Variants in GOLGA7B observed in about 807,000 individuals in gnomAD.
GOLGA7B encodes the protein golgin A7 family member B, also known as golgin subfamily A member 7B.
Under a neutral mutation model 21.5 loss-of-function variants are expected in GOLGA7B, and 17 were observed. That is an observed-to-expected ratio of 0.79 (90% CI 0.54 to 1.19). The LOEUF is 1.19. Ranked by LOEUF, GOLGA7B falls within the 50% of genes most tolerant of loss-of-function variation. The pLI, the probability that GOLGA7B is intolerant of heterozygous loss-of-function variation, is 0.00. For synonymous variants in GOLGA7B, 87 were observed against 84.0 expected (o/e 1.04, Z -0.19); for missense variants, 169 against 224.4 (o/e 0.75, Z 1.58).
chr10:97,862,305 A>G (rs1397004865), intron 2 of GOLGA7B, among the ~76,000 whole-genome samples: 2 of 152,214 alleles, frequency 1.3e-5, no homozygotes, highest in Non-Finnish European at 2.9e-5. Flanking sequence ...CCCTTGCACA[A>G]CACAGGGTTA....
At chr10:97,864,501 G>C (rs1189618111) in intron 4 of GOLGA7B, among the ~76,000 whole-genome samples, 4 of 152,184 alleles carry the variant, frequency 2.6e-5, no homozygotes, top group Non-Finnish European at 5.9e-5. Context: ...GAATATGCCA[G>C]CTATCATGTG....
At position 97,857,562 on chromosome 10, in the gene GOLGA7B, A is replaced by ATT. The variant is rs148514944; in HGVS notation, c.13-1894_13-1893dup. ...CCATGCGGCCCAAAGCAATCTACAG[A>ATT]TTTAACACAATCCCTATCAAATTAG... On this transcript the variant is annotated intron_variant, in intron 1 of 4. Transcript: ENST00000370602. Among the ~76,000 whole-genome samples the ATT allele has an allele frequency of 5.5e-3, 840 of 152,318 alleles. 8 individuals carry two copies. The highest frequency in any genetic ancestry group is 0.019 in the African/African-American group (799 of 41,574).
Position 97,865,584 on chromosome 10 carries a change from C to T in GOLGA7B, c.394-6C>T, listed in dbSNP as rs562926604. 6.2e-7 allele frequency: 1 copy of T among 1,613,148 alleles called. No individual in the cohort carries two copies. The highest frequency in any genetic ancestry group is 8.5e-7 in the Non-Finnish European group (1 of 1,179,226). ...GCTCGCAGCTCTCCTTAACCACCGA[C>T]CCCAGATTGAGATCTCCATCTACGA... On this transcript the variant is annotated splice_polypyrimidine_tract_variant and splice_region_variant and intron_variant, in intron 4 of 4. Transcript: ENST00000370602.
chr10:97,863,786 T>C lies in GOLGA7B; in HGVS notation c.139-144T>C. The C allele has an allele frequency of 3.4e-6, 3 of 876,808 alleles. No homozygotes were observed. The South Asian group carries it at 5.5e-5, about 16-fold the overall frequency. 54.3% of individuals were successfully genotyped at this position (876,808 alleles called of 1,614,324 possible). A position where few individuals can be genotyped will look rare whatever the true frequency, so the allele number is the denominator to read the frequency against. On this transcript the variant is annotated intron_variant, in intron 2 of 4. Transcript: ENST00000370602. ...TCCCAGGCCAGTGCTCTTTCGGCTCTGCCTGCAGCCTCTTTGGTCTTGCCT... is the reference window on the plus strand; with the variant it reads ...TCCCAGGCCAGTGCTCTTTCGGCTCCGCCTGCAGCCTCTTTGGTCTTGCCT...
intron 2 of GOLGA7B, among the ~76,000 whole-genome samples, chr10:97,863,395 G>T (rs528560867): frequency 3.3e-5 from 5 of 152,298 alleles, no homozygotes; most frequent in African/African-American, 1.2e-4. Context: ...CAGGGTGGTG[G>T]TGTTGTGGGT....
rs1564865623 is a variant in GOLGA7B at position 97,859,555 on chromosome 10, C to A, written c.110C>A (p.Thr37Asn). The part of the protein sequence containing the change: ...YSDGTICQFQ[T>N]KFPPELDSRI... Reference sequence around the variant, plus strand: ...GATGGGACCATCTGTCAGTTCCAGACCAAATTCCCCCCAGAGCTGGACAGC... The same window carrying A: ...GATGGGACCATCTGTCAGTTCCAGAACAAATTCCCCCCAGAGCTGGACAGC... Residue 37 changes from threonine to asparagine, a missense_variant, in exon 2 of 5, where the codon ACC becomes AAC. Coordinates refer to ENST00000370602, the MANE Select transcript of GOLGA7B (RefSeq NM_001010917.3). 1.9e-6 allele frequency: 3 copies of A among 1,614,142 alleles called. No individual in the cohort carries two copies. Among genetic ancestry groups the A allele is most frequent in the South Asian group, 2.2e-5 (2 of 91,078 alleles).
Position 97,865,911 on chromosome 10 carries a change from C to A in GOLGA7B, c.*211C>A. 1.3e-6 allele frequency: 1 copy of A among 773,134 alleles called. No individual in the cohort carries two copies. The highest frequency in any genetic ancestry group is 1.9e-6 in the Non-Finnish European group (1 of 519,982). The allele number at this position is 773,134 out of a possible 1,614,324, so 47.9% of individuals were successfully genotyped here. On this transcript the variant is annotated 3_prime_UTR_variant, in exon 5 of 5. Transcript: ENST00000370602. Reference sequence around the variant, plus strand: ...ACCCCCGTCTGGATCAGTCCATTTCCTGACCTGGGGGCTTTTCCTTCCCGA... The same window carrying A: ...ACCCCCGTCTGGATCAGTCCATTTCATGACCTGGGGGCTTTTCCTTCCCGA...
intron 4 of GOLGA7B, chr10:97,865,243 C>G (rs1352141490): frequency 3.4e-6 from 1 of 294,984 alleles, no homozygotes; most frequent in East Asian, 5.7e-5. Context: ...CTAAAGTCCT[C>G]ATACTTCCTG....
In GOLGA7B at chr10:97,864,087, C is replaced by G; in HGVS notation, c.291+5C>G. ...ATGGAGACCCACTATGAGAAGGTGG[C>G]CCCTCCCGCCCCACCGTGCATCCCT... On this transcript the variant is annotated splice_donor_5th_base_variant and intron_variant, in intron 3 of 4. Coordinates refer to ENST00000370602, the MANE Select transcript of GOLGA7B (RefSeq NM_001010917.3). 1 of 1,613,706 alleles carries G rather than the reference C, an allele frequency of 6.2e-7. No individual in the cohort carries two copies. Among genetic ancestry groups the G allele is most frequent in the Non-Finnish European group, 8.5e-7 (1 of 1,179,670 alleles).
rs1320974240 is a variant in GOLGA7B, at chr10:97,868,896, G to A, written c.*3196G>A. 6.6e-6 allele frequency: 1 copy of A among 150,750 alleles called. No individual in the cohort carries two copies. Among genetic ancestry groups the A allele is most frequent in the Non-Finnish European group, 1.5e-5 (1 of 67,994 alleles). 9.3% of individuals were successfully genotyped at this position (150,750 alleles called of 1,614,324 possible). On this transcript the variant is annotated 3_prime_UTR_variant, in exon 5 of 5. Transcript: ENST00000370602. ...GACGTTTATTTAGCACTTCCTATGTGCCAGGCACTAGGCTAAGACTCTACA... is the reference window on the plus strand; with the variant it reads ...GACGTTTATTTAGCACTTCCTATGTACCAGGCACTAGGCTAAGACTCTACA...
chr10:97,850,026 C>A lies in GOLGA7B; in HGVS notation c.-278C>A, dbSNP rs2136510456. ...CCGTTGCCTGCAGGAGCCGCGGCAG[C>A]GGGCGATCGGGCCGTGAGGAGCCTC... On this transcript the variant is annotated 5_prime_UTR_variant, in exon 1 of 5. Coordinates refer to ENST00000370602, the MANE Select transcript of GOLGA7B (RefSeq NM_001010917.3). Among the ~76,000 whole-genome samples, 1 of 150,466 alleles carries A rather than the reference C, an allele frequency of 6.6e-6. No homozygotes were observed. The highest frequency in any genetic ancestry group is 2.1e-4 in the South Asian group (1 of 4,806).
At chr10:97,859,683 A>G (rs2049958945) in intron 2 of GOLGA7B, 100 bp downstream of exon 2, 4 of 1,255,474 alleles carry the variant, frequency 3.2e-6, no homozygotes, top group Admixed American at 2.2e-5. Flanking sequence ...ACATAATATC[A>G]TAGGACACGT....
chr10:97,860,891 T>C (rs2049967243), intron 2 of GOLGA7B, among the ~76,000 whole-genome samples: 1 of 152,144 alleles, frequency 6.6e-6, no homozygotes, highest in Admixed American at 6.5e-5. Flanking sequence ...CTCTGACCTA[T>C]CCTCCCCCTT....
chr10:97,861,571 A>T (rs1457671158), intron 2 of GOLGA7B, among the ~76,000 whole-genome samples: 1 of 152,234 alleles, frequency 6.6e-6, no homozygotes, highest in East Asian at 1.9e-4. Flanking sequence ...GCTGTGAGGC[A>T]TCAGCTGCTG....
At position 97,869,575 on chromosome 10, in the gene GOLGA7B, C is replaced by G. The variant is rs559023865; in HGVS notation, c.*3875C>G. ...TGCTGTCTGGCTTCCTTCCTTTGGC[C>G]ACAGGGCGGGTGTGTGTGAAACCAC... On this transcript the variant is annotated 3_prime_UTR_variant, in exon 5 of 5. Transcript: ENST00000370602. 6.6e-6 allele frequency: 1 copy of G among 152,404 alleles called. No homozygotes were observed. The allele number at this position is 152,404 out of a possible 1,614,324, so 9.4% of individuals were successfully genotyped here.
intron 1 of GOLGA7B, 116 bp from the exon 2 acceptor site, chr10:97,859,342 C>T: frequency 2.9e-6 from 3 of 1,049,964 alleles, no homozygotes; most frequent in Admixed American, 2.2e-5. Context: ...TCTCTGCATG[C>T]TGGGAACTTT....
At chr10:97,853,065 C>T (rs996548788) in intron 1 of GOLGA7B, among the ~76,000 whole-genome samples, 6 of 152,110 alleles carry the variant, frequency 3.9e-5, no homozygotes, top group East Asian at 1.9e-4. Flanking sequence ...ATCCAAGTAG[C>T]GTTATTCAAG....
At chr10:97,859,418 A>G in intron 1 of GOLGA7B, 40 bp from the exon 2 acceptor site, 1 of 1,605,600 alleles carries the variant, frequency 6.2e-7, no homozygotes, top group Non-Finnish European at 8.5e-7. Flanking sequence ...GCCGAGATGG[A>G]TGGTCACTCT....
At chr10:97,864,903 C>T (rs145435938) in intron 4 of GOLGA7B, 1 of 152,222 alleles carries the variant, frequency 6.6e-6, no homozygotes, top group African/African-American at 2.4e-5. Context: ...ACAAATCCCT[C>T]CCCCCGGGCA....
Sources: gnomAD v4.1 joint callset for allele counts (sites outside exome capture counted in the v4.1 genomes callset) on GRCh38, gnomAD v4.1.1 for gene constraint, MANE v1.5 for transcripts, NCBI Gene and HGNC (gene_info 2026-07-23, HGNC 2026-07-21) for gene names.